EPB41L3: variants seen among roughly 807,000 people sequenced by gnomAD.
The protein encoded by EPB41L3 is band 4.1-like protein 3.
In EPB41L3, 57 loss-of-function variants were observed where a neutral mutation model predicts 127.1. The ratio of observed to expected loss-of-function variants is 0.45; its 90% confidence interval spans 0.36 to 0.56. The LOEUF is 0.56. EPB41L3 is among the 20% of genes least tolerant of loss of function. The pLI, the probability that EPB41L3 is intolerant of heterozygous loss-of-function variation, is 0.00. For synonymous variants in EPB41L3, 572 were observed against 549.5 expected, an observed-to-expected ratio of 1.04 and a Z score of -0.57; for missense variants, 1,273 against 1,372.2, an observed-to-expected ratio of 0.93 and a Z score of 1.14.
chr18:5,558,512 C>T (rs761701090), intron 3 of EPB41L3, among the ~76,000 whole-genome samples: 23 of 152,100 alleles, frequency 1.5e-4, no homozygotes, highest in Non-Finnish European at 2.4e-4. Context: ...GGAGAGTGTA[C>T]GCCTATAGTA....
At position 5,608,468 on chromosome 18, in the gene EPB41L3, G is replaced by A. The variant is rs1296522826; in HGVS notation, c.-306+3872C>T. Among the ~76,000 whole-genome samples, 7 of 152,154 alleles carry A rather than the reference G, an allele frequency of 4.6e-5. No individual in the cohort carries two copies. The East Asian group carries it at 7.7e-4, about 17-fold the overall frequency. Reference sequence around the variant, plus strand: ...ACATCATACACTGCAACAGAGTTGGGGAGGAGAAAATAATTGAGTAAAACC... The same window carrying A: ...ACATCATACACTGCAACAGAGTTGGAGAGGAGAAAATAATTGAGTAAAACC... On this transcript the variant is annotated intron_variant, in intron 3 of 21. Transcript: ENST00000545076.
chr18:5,523,855 T>C (rs1363361245), intron 1 of EPB41L3, among the ~76,000 whole-genome samples: 1 of 152,194 alleles, frequency 6.6e-6, no homozygotes, highest in East Asian at 1.9e-4. Flanking sequence ...CCTTTCTACT[T>C]GTTTTAAAAA....
intron 4 of EPB41L3, among the ~76,000 whole-genome samples, chr18:5,444,160 AAG>A (rs772642306): frequency 6.6e-6 from 1 of 152,220 alleles, no homozygotes; most frequent in Non-Finnish European, 1.5e-5. Context: ...AGCACAGAAA[AAG>A]AGGGGAAAAG....
intron 1 of EPB41L3, among the ~76,000 whole-genome samples, chr18:5,509,040 C>T (rs906699373): frequency 6.6e-6 from 1 of 152,190 alleles, no homozygotes; most frequent in South Asian, 2.1e-4. Flanking sequence ...AGGGAAAACA[C>T]CCTTGAAGGT....
intron 1 of EPB41L3, among the ~76,000 whole-genome samples, chr18:5,539,179 G>C (rs1447904229): frequency 6.6e-6 from 1 of 151,846 alleles, no homozygotes; most frequent in Non-Finnish European, 1.5e-5. Context: ...TAACTGGAGA[G>C]AAAAATATAT....
intron 3 of EPB41L3, chr18:5,570,292 G>A (rs2094260658): frequency 1.3e-5 from 2 of 152,268 alleles, no homozygotes; most frequent in African/African-American, 4.8e-5. Flanking sequence ...TGAGTAAGAA[G>A]GACATGCTGT....
At chr18:5,423,758 G>A (rs1055785769) in intron 10 of EPB41L3, among the ~76,000 whole-genome samples, 1 of 152,198 alleles carries the variant, frequency 6.6e-6, no homozygotes, top group African/African-American at 2.4e-5. Flanking sequence ...TGCAAATGAG[G>A]GTTGTACTGA....
At chr18:5,538,321 T>C (rs1034569355) in intron 1 of EPB41L3, among the ~76,000 whole-genome samples, 2 of 152,240 alleles carry the variant, frequency 1.3e-5, no homozygotes, top group Non-Finnish European at 2.9e-5. Context: ...GCTCCATTAC[T>C]GTCTCCAGGA....
At chr18:5,439,439 G>A (rs2080343536) in intron 5 of EPB41L3, among the ~76,000 whole-genome samples, 1 of 152,076 alleles carries the variant, frequency 6.6e-6, no homozygotes, top group African/African-American at 2.4e-5. Flanking sequence ...TTGCATCTGA[G>A]GCAATACTTA....
At chr18:5,398,643 C>A (rs971266090) in intron 16 of EPB41L3, 1 of 400,896 alleles carries the variant, frequency 2.5e-6, no homozygotes, top group Non-Finnish European at 4.4e-6. Flanking sequence ...ATGAGTGACA[C>A]TGGTTACCAC....
intron 3 of EPB41L3, among the ~76,000 whole-genome samples, chr18:5,456,380 A>G (rs752799241): frequency 4.6e-5 from 7 of 152,244 alleles, no homozygotes; most frequent in Non-Finnish European, 8.8e-5. Flanking sequence ...AGCATATTTA[A>G]AGATGTAATG....
At chr18:5,420,106 A>G in intron 11 of EPB41L3, 1 of 782,738 alleles carries the variant, frequency 1.3e-6, no homozygotes, top group Admixed American at 3.0e-5. Flanking sequence ...ACCTTCCTGT[A>G]TTTCCTATAT....
chr18:5,416,700 A>G (rs1302873240), intron 12 of EPB41L3, among the ~76,000 whole-genome samples: 2 of 152,194 alleles, frequency 1.3e-5, no homozygotes, highest in African/African-American at 4.8e-5. Flanking sequence ...ACAACTCTAG[A>G]AAGTTTCAGG....
chr18:5,461,935 C>A (rs558173483), intron 3 of EPB41L3, among the ~76,000 whole-genome samples: 1 of 152,160 alleles, frequency 6.6e-6, no homozygotes, highest in Non-Finnish European at 1.5e-5. Flanking sequence ...GAATCCTTTG[C>A]CTCTCTGCTG....
intron 5 of EPB41L3, among the ~76,000 whole-genome samples, chr18:5,443,195 T>C (rs2081028172): frequency 6.6e-6 from 1 of 152,206 alleles, no homozygotes; most frequent in Admixed American, 6.5e-5. Context: ...CTGAAATGAT[T>C]GAACCAACTT....
At chr18:5,561,590 T>A (rs2094136520) in intron 3 of EPB41L3, among the ~76,000 whole-genome samples, 1 of 152,192 alleles carries the variant, frequency 6.6e-6, no homozygotes, top group Non-Finnish European at 1.5e-5. Context: ...AGTTGTAGTA[T>A]GAATGAAGAA....
At chr18:5,629,320 G>A (rs2094960653), upstream of EPB41L3, among the ~76,000 whole-genome samples, 1 of 151,792 alleles carries the variant, frequency 6.6e-6, no homozygotes, top group Non-Finnish European at 1.5e-5. Context: ...GCAGCTGGCG[G>A]CGAGGGGAGG....
At chr18:5,583,323 C>T (rs936535778) in intron 3 of EPB41L3, among the ~76,000 whole-genome samples, 18 of 152,122 alleles carry the variant, frequency 1.2e-4, no homozygotes, top group Non-Finnish European at 2.6e-4. Flanking sequence ...GTTCAGTGAC[C>T]CCATGGCTGA....
chr18:5,478,295 G>A lies in EPB41L3; in HGVS notation c.327C>T (p.Ser109=), dbSNP rs755269960. 1 of 1,614,130 alleles carries A rather than the reference G, an allele frequency of 6.2e-7. No individual in the cohort carries two copies. The change falls in exon 3 of 23, where the codon AGC becomes AGT. Residue 109 remains serine (S), a synonymous_variant. Transcript: ENST00000341928. ...CGAGAAGTATCACTTTGCACTGCAT[G>A]CTTTTAGGCTTTTTGACAATCTTTA... is the stretch of plus-strand genomic sequence containing the variant. ...SPLKIVKKPK[S]MQCKVILLDG...
Sources: gnomAD v4.1 joint callset for allele counts (sites outside exome capture counted in the v4.1 genomes callset) on GRCh38, gnomAD v4.1.1 for gene constraint, MANE v1.5 for transcripts, NCBI Gene and HGNC (gene_info 2026-07-23, HGNC 2026-07-21) for gene names.